The following USP34 variants were observed in gnomAD, a reference collection of about 807,000 sequenced individuals.
USP34 encodes the protein ubiquitin carboxyl-terminal hydrolase 34.
In USP34, 70 loss-of-function variants were observed where a neutral mutation model predicts 460.3. The ratio of observed to expected loss-of-function variants is 0.15; its 90% CI spans 0.13 to 0.19. The LOEUF (loss-of-function observed/expected upper bound fraction) is 0.19, where lower values mean the gene tolerates loss of function less well. Among genes scored for constraint, USP34 ranks in the 10% least tolerant of loss-of-function variants. USP34 has a pLI of 1.00. For missense variants in USP34, 3,985 were observed against 4,236.2 expected, an observed-to-expected ratio of 0.94 and a Z score of 1.65; for synonymous variants, 1,647 against 1,405.3, an observed-to-expected ratio of 1.17 and a Z score of -3.85.
chr2:61,445,680 C>T (rs1369230397), intron 1 of USP34, among the ~76,000 whole-genome samples: 1 of 150,330 alleles, frequency 6.7e-6, no homozygotes, highest in Non-Finnish European at 1.5e-5. Context: ...TCTTACAGGC[C>T]AGGCACAGTG....
intron 1 of USP34, among the ~76,000 whole-genome samples, chr2:61,451,659 G>C (rs1461285090): frequency 1.3e-5 from 2 of 150,502 alleles, no homozygotes. Flanking sequence ...TCCAACCTGG[G>C]CAACAAGAGC....
rs780703069 is a variant in USP34 at position 61,347,886 on chromosome 2, G to A, written c.2269C>T (p.His757Tyr). The change falls in exon 15 of 80, where the codon CAC becomes TAC. Residue 757 changes from histidine to tyrosine, a missense_variant. By Grantham distance (83) the His-to-Tyr change is moderately conservative (BLOSUM62 2). Coordinates refer to ENST00000398571, the MANE Select transcript of USP34 (RefSeq NM_014709.4). ...TAGGCTTACCCATCGTGGTGGTGGT[G>A]ATGGTGGTGGTGGTGGTGGTGATGC... ...PQHHHHHHHH[H>Y]HHHDGHMVDD... 3 of 1,612,986 alleles carry A rather than the reference G, an allele frequency of 1.9e-6. No individual in the cohort carries two copies. The South Asian group carries it at 3.3e-5, about 18-fold the overall frequency.
chr2:61,266,303 A>C (rs1425204873), intron 41 of USP34, 136 bp from the exon 42 acceptor site: 10 of 791,796 alleles, frequency 1.3e-5, no homozygotes, highest in Admixed American at 8.9e-5. Context: ...CCATCATCTG[A>C]AAGTCCTCCG....
intron 6 of USP34, among the ~76,000 whole-genome samples, chr2:61,380,955 T>G (rs1248857268): frequency 6.6e-6 from 1 of 152,280 alleles, no homozygotes; most frequent in East Asian, 1.9e-4. Context: ...AAGGCTAACC[T>G]AGACCATCCA....
chr2:61,355,468 A>G (rs72813558), intron 10 of USP34, among the ~76,000 whole-genome samples: 24,000 of 152,216 alleles, frequency 0.16, 2,248 homozygotes, highest in South Asian at 0.36. Flanking sequence ...AGATGGAGTC[A>G]TTAGGAGCAG....
chr2:61,364,602 GA>G (rs1692373407), intron 10 of USP34, among the ~76,000 whole-genome samples: 1 of 151,974 alleles, frequency 6.6e-6, no homozygotes, highest in Non-Finnish European at 1.5e-5. Flanking sequence ...AAAATAAAAG[GA>G]AAATACAAGA....
At chr2:61,205,399 G>C (rs1198193984) in intron 72 of USP34, among the ~76,000 whole-genome samples, 1 of 152,132 alleles carries the variant, frequency 6.6e-6, no homozygotes, top group African/African-American at 2.4e-5. Context: ...CCTCTTGCTA[G>C]AGAAGTAATT....
At chr2:61,241,387 C>A (rs1368666309) in intron 53 of USP34, among the ~76,000 whole-genome samples, 173 bp downstream of exon 53, 1 of 152,256 alleles carries the variant, frequency 6.6e-6, no homozygotes, top group Admixed American at 6.5e-5. Context: ...TAATCTCATT[C>A]ATTTTCATTT....
intron 1 of USP34, among the ~76,000 whole-genome samples, chr2:61,469,952 T>G (rs976547149): frequency 1.3e-5 from 2 of 152,154 alleles, no homozygotes; most frequent in Admixed American, 6.5e-5. Flanking sequence ...CCAAGAGAGA[T>G]AGGCCATAAC....
chr2:61,357,493 C>G (rs1692142148), intron 10 of USP34, among the ~76,000 whole-genome samples: 1 of 151,920 alleles, frequency 6.6e-6, no homozygotes, highest in South Asian at 2.1e-4. Context: ...AAAAAAATCT[C>G]AATTCAACAA....
At chr2:61,237,368 TC>T (rs1688097883) in intron 53 of USP34, among the ~76,000 whole-genome samples, 1 of 152,026 alleles carries the variant, frequency 6.6e-6, no homozygotes, top group South Asian at 2.1e-4. Flanking sequence ...ACAATTTTTG[TC>T]CCTTCAACCC....
chr2:61,448,821 G>C (rs567399184), intron 1 of USP34, among the ~76,000 whole-genome samples: 1 of 152,240 alleles, frequency 6.6e-6, no homozygotes, highest in African/African-American at 2.4e-5. Context: ...GAAAGAATAA[G>C]ATTCTTATTC....
At chr2:61,222,923 C>G in intron 64 of USP34, 137 bp downstream of exon 64, 1 of 804,788 alleles carries the variant, frequency 1.2e-6, no homozygotes, top group Non-Finnish European at 1.9e-6. Flanking sequence ...TCTCAAACTC[C>G]TAGGCTCAAG....
At chr2:61,195,325 A>G (rs941535950) in intron 75 of USP34, among the ~76,000 whole-genome samples, 12 of 151,056 alleles carry the variant, frequency 7.9e-5, no homozygotes, top group Non-Finnish European at 1.6e-4. Context: ...GAGTACAGGC[A>G]TGAGCCATCA....
intron 51 of USP34, among the ~76,000 whole-genome samples, chr2:61,242,986 G>A (rs1688314023): frequency 6.6e-6 from 1 of 151,810 alleles, no homozygotes; most frequent in Non-Finnish European, 1.5e-5. Flanking sequence ...GGGATTACAG[G>A]TGCCCGCTAT....
intron 5 of USP34, among the ~76,000 whole-genome samples, chr2:61,393,828 C>G (rs1693428902): frequency 6.6e-6 from 1 of 152,100 alleles, no homozygotes; most frequent in Non-Finnish European, 1.5e-5. Flanking sequence ...TTTTAATATA[C>G]AGGTATTTAA....
chr2:61,261,647 G>T (rs567779483), intron 43 of USP34, among the ~76,000 whole-genome samples: 2 of 152,072 alleles, frequency 1.3e-5, no homozygotes, highest in Non-Finnish European at 2.9e-5. Flanking sequence ...TTAAAATGAT[G>T]AATTTAATGT....
At chr2:61,283,556 AG>A (rs1231618492) in intron 35 of USP34, 107 bp from the exon 36 acceptor site, 3 of 1,219,930 alleles carry the variant, frequency 2.5e-6, no homozygotes, top group Non-Finnish European at 3.4e-6. Context: ...CCCCCAAAAA[AG>A]GAAAGCAGTG....
intron 8 of USP34, among the ~76,000 whole-genome samples, chr2:61,375,768 C>CAAAAAAAAAAAAAAA (rs56304309): frequency 2.3e-3 from 185 of 80,810 alleles, no homozygotes; most frequent in Middle Eastern, 8.2e-3. Flanking sequence ...GACTCTGTCT[C>CAAAAAAAAAAAAAAA]AAAAAAAAAA....
Sources: gnomAD v4.1 joint callset for allele counts (sites outside exome capture counted in the v4.1 genomes callset) on GRCh38, gnomAD v4.1.1 for gene constraint, MANE v1.5 for transcripts, NCBI Gene and HGNC (gene_info 2026-07-23, HGNC 2026-07-21) for gene names.